Variants in SORCS2 observed in about 807,000 individuals in gnomAD.
The protein encoded by SORCS2 is sortilin related VPS10 domain containing receptor 2.
A neutral mutation model predicts 141.6 loss-of-function variants in SORCS2; 100 were observed. That is an observed-to-expected ratio of 0.71 (90% confidence interval 0.60 to 0.83). The LOEUF is 0.83. SORCS2 is among the 40% of genes least tolerant of loss of function. The pLI, the probability that SORCS2 is intolerant of heterozygous loss-of-function variation, is 0.00. For synonymous variants in SORCS2, 789 were observed against 676.9 expected, an observed-to-expected ratio of 1.17 and a Z score of -2.57; for missense variants, 1,646 against 1,560.2, an observed-to-expected ratio of 1.05 and a Z score of -0.93.
chr4:7,349,564 AGG>A (rs1481822941), intron 1 of SORCS2, among the ~76,000 whole-genome samples: 1 of 152,114 alleles, frequency 6.6e-6, no homozygotes, highest in African/African-American at 2.4e-5. Flanking sequence ...GCAGTCAAGC[AGG>A]GTCAGGAGAT....
chr4:7,711,543 G>C (rs184597980), intron 14 of SORCS2, among the ~76,000 whole-genome samples: 251 of 152,266 alleles, frequency 1.6e-3, no homozygotes, highest in African/African-American at 5.8e-3. Flanking sequence ...GAGCAGGCTG[G>C]GCCCACCTTC....
At position 7,651,251 on chromosome 4, in the gene SORCS2, C is replaced by T. The variant is rs1213093514; in HGVS notation, c.814-2883C>T. ...GGATAGGCTGCGTGTCAGACACGGG[C>T]TAGACTTCCAAAGCACATGATCGGG... On this transcript the variant is annotated intron_variant, in intron 4 of 26. Transcript: ENST00000507866. Among the ~76,000 whole-genome samples the T allele has an allele frequency of 2.0e-5, 3 of 152,188 alleles. No homozygotes were observed. The East Asian group carries it at 5.8e-4, about 29-fold the overall frequency.
intron 3 of SORCS2, among the ~76,000 whole-genome samples, chr4:7,588,792 G>C (rs1019652969): frequency 2.0e-5 from 3 of 152,230 alleles, no homozygotes; most frequent in Non-Finnish European, 2.9e-5. Flanking sequence ...TCACAATACA[G>C]TGCAGTGAAT....
In SORCS2 at chr4:7,657,341, GTGAGTGAA is replaced by G. The variant is rs774860961; in HGVS notation, c.887+3148_887+3155del. Among the ~76,000 whole-genome samples, 10 of 152,278 alleles carry G rather than the reference GTGAGTGAA, an allele frequency of 6.6e-5. No individual in the cohort carries two copies. The South Asian group carries it at 8.3e-4, about 13-fold the overall frequency. On this transcript the variant is annotated intron_variant, in intron 5 of 26. Transcript: ENST00000507866. ...AATAAATGAGTGAATGAGTAGGTGA[GTGAGTGAA>G]TGAGTGAATGAGTAACAACTGAGTG...
intron 1 of SORCS2, among the ~76,000 whole-genome samples, chr4:7,295,273 G>T (rs565868966): frequency 9.1e-5 from 13 of 143,450 alleles, no homozygotes; most frequent in African/African-American, 3.2e-4. Flanking sequence ...ACACAATGAG[G>T]CGATTGTGCA....
At chr4:7,212,568 T>C (rs1194443311) in intron 1 of SORCS2, among the ~76,000 whole-genome samples, 1 of 152,232 alleles carries the variant, frequency 6.6e-6, no homozygotes, top group East Asian at 1.9e-4. Flanking sequence ...CACTGCATGT[T>C]GGCTTCCTTC....
chr4:7,526,856 A>G (rs1733728316), intron 2 of SORCS2, among the ~76,000 whole-genome samples: 1 of 152,240 alleles, frequency 6.6e-6, no homozygotes, highest in African/African-American at 2.4e-5. Context: ...GGTGAAATTA[A>G]TTTTAATCAC....
At chr4:7,434,276 A>G (rs759701510) in intron 2 of SORCS2, 2 of 1,613,238 alleles carry the variant, frequency 1.2e-6, no homozygotes, top group Non-Finnish European at 1.7e-6. Context: ...GCCAAGGTCA[A>G]GTTGGACCGG....
intron 3 of SORCS2, among the ~76,000 whole-genome samples, chr4:7,546,878 C>T (rs1713302128): frequency 6.6e-6 from 1 of 152,212 alleles, no homozygotes; most frequent in African/African-American, 2.4e-5. Context: ...TTTCTTATCC[C>T]TTGTGCAGTA....
At chr4:7,513,299 C>T (rs10028552) in intron 2 of SORCS2, among the ~76,000 whole-genome samples, 6,667 of 152,290 alleles carry the variant, frequency 0.044, 511 homozygotes, top group African/African-American at 0.15. Flanking sequence ...AGCCACAGCC[C>T]CCTGGCTCAC....
At chr4:7,298,147 C>T (rs573148535) in intron 1 of SORCS2, among the ~76,000 whole-genome samples, 11 of 152,282 alleles carry the variant, frequency 7.2e-5, no homozygotes, top group East Asian at 1.9e-4. Context: ...GGGAACAGAG[C>T]GTGGCCTTGG....
At chr4:7,573,529 T>A (rs1715532985) in intron 3 of SORCS2, among the ~76,000 whole-genome samples, 1 of 152,240 alleles carries the variant, frequency 6.6e-6, no homozygotes, top group South Asian at 2.1e-4. Context: ...TCTTGTTTTT[T>A]GTTTTTGAGA....
intron 25 of SORCS2, among the ~76,000 whole-genome samples, chr4:7,736,458 C>A (rs968664492): frequency 9.2e-5 from 14 of 152,178 alleles, no homozygotes; most frequent in Admixed American, 5.9e-4. Flanking sequence ...AGTCTCAGTC[C>A]CCTCATCTGT....
intron 1 of SORCS2, among the ~76,000 whole-genome samples, chr4:7,374,211 C>A (rs779799750): frequency 2.8e-5 from 4 of 142,938 alleles, no homozygotes; most frequent in Non-Finnish European, 6.1e-5. Flanking sequence ...TGCAGAGAGA[C>A]GTTCAATTGA....
intron 2 of SORCS2, among the ~76,000 whole-genome samples, chr4:7,415,990 G>A (rs1188040017): frequency 6.6e-6 from 1 of 152,204 alleles, no homozygotes; most frequent in Non-Finnish European, 1.5e-5. Flanking sequence ...AACATGATGT[G>A]CAGAAACACA....
chr4:7,331,106 G>T, intron 1 of SORCS2, among the ~76,000 whole-genome samples: 1 of 152,068 alleles, frequency 6.6e-6, no homozygotes. Flanking sequence ...GCTAGGGGCG[G>T]CGAGAGGCTG....
rs143092116 is a variant in SORCS2, at chr4:7,498,998, G to A, written c.549-32532G>A. 1.2e-3 allele frequency among the ~76,000 whole-genome samples: 186 copies of A among 152,320 alleles called. 1 individual carries two copies. Among genetic ancestry groups the A allele is most frequent in the African/African-American group, 4.2e-3 (174 of 41,572 alleles). Reference sequence around the variant, plus strand: ...AGCCGGCTGAGGCTGGGGAAAGGGGGGCAGGGGGCAGCACCGTGGAGACGG... The same window carrying A: ...AGCCGGCTGAGGCTGGGGAAAGGGGAGCAGGGGGCAGCACCGTGGAGACGG... On this transcript the variant is annotated intron_variant, in intron 2 of 26. Coordinates refer to ENST00000507866, the MANE Select transcript of SORCS2 (RefSeq NM_020777.3).
chr4:7,430,285 G>C (rs147568453), intron 2 of SORCS2: 16 of 150,448 alleles, frequency 1.1e-4, no homozygotes, highest in African/African-American at 3.4e-4. Flanking sequence ...GAGACAGAGA[G>C]AGAGAACATC....
chr4:7,360,515 C>T (rs138345277), intron 1 of SORCS2, among the ~76,000 whole-genome samples: 1 of 149,332 alleles, frequency 6.7e-6, no homozygotes, highest in African/African-American at 2.5e-5. Context: ...AGTCCCAGTC[C>T]AGGCTCTGTG....
Sources: gnomAD v4.1 joint callset for allele counts (sites outside exome capture counted in the v4.1 genomes callset) on GRCh38, gnomAD v4.1.1 for gene constraint, MANE v1.5 for transcripts, NCBI Gene and HGNC (gene_info 2026-07-23, HGNC 2026-07-21) for gene names.